The following PTPRN2 variants were observed in gnomAD, a reference collection of about 807,000 sequenced individuals.
The protein encoded by PTPRN2 is receptor-type tyrosine-protein phosphatase N2.
In PTPRN2, 74 loss-of-function variants were observed where a neutral mutation model predicts 118.8. The observed-to-expected ratio is 0.62, with a 90% CI of 0.52 to 0.76. The LOEUF (loss-of-function observed/expected upper bound fraction) is 0.76. PTPRN2 is among the 30% of genes least tolerant of loss of function. The pLI is 0.00. For missense variants in PTPRN2, 1,481 were observed against 1,394.4 expected (o/e 1.06, Z -0.99); for synonymous variants, 641 against 608.0 (o/e 1.05, Z -0.80).
At chr7:158,506,743 A>G (rs1822774970) in intron 1 of PTPRN2, among the ~76,000 whole-genome samples, 1 of 151,808 alleles carries the variant, frequency 6.6e-6, no homozygotes, top group African/African-American at 2.4e-5. Flanking sequence ...GCCACTGGCT[A>G]GCTGTGACAT....
chr7:158,110,756 C>T (rs2150368213), intron 10 of PTPRN2, 73 bp downstream of exon 10: 2 of 1,366,856 alleles, frequency 1.5e-6, no homozygotes, highest in Non-Finnish European at 2.0e-6. Context: ...GGGCTCGCAG[C>T]TCCTTCCCTC....
intron 11 of PTPRN2, among the ~76,000 whole-genome samples, chr7:157,988,485 G>A (rs1205176438): frequency 6.6e-6 from 1 of 152,186 alleles, no homozygotes. Context: ...TCTTTCACGT[G>A]CTGATAGACC....
At chr7:158,315,414 C>A (rs1361116387) in intron 3 of PTPRN2, among the ~76,000 whole-genome samples, 1 of 148,964 alleles carries the variant, frequency 6.7e-6, no homozygotes, top group Non-Finnish European at 1.5e-5. Context: ...AGGACGCCCT[C>A]AAGGACAGAG....
At chr7:158,171,153 C>CAT (rs35916071) in intron 5 of PTPRN2, among the ~76,000 whole-genome samples, 2 of 120,732 alleles carry the variant, frequency 1.7e-5, no homozygotes, top group South Asian at 5.5e-4. Flanking sequence ...TATATATACA[C>CAT]ATATATATAC....
At chr7:158,129,810 A>C (rs1818024869) in intron 9 of PTPRN2, among the ~76,000 whole-genome samples, 1 of 152,106 alleles carries the variant, frequency 6.6e-6, no homozygotes, top group Non-Finnish European at 1.5e-5. Flanking sequence ...GTGATTCTCC[A>C]CTGGGCTTGA....
intron 12 of PTPRN2, among the ~76,000 whole-genome samples, chr7:157,692,305 G>A (rs1797544099): frequency 6.6e-6 from 1 of 152,134 alleles, no homozygotes; most frequent in Non-Finnish European, 1.5e-5. Context: ...ACCTCCCCAG[G>A]CCAGGCCCAG....
At chr7:157,540,907 G>A (rs558502047) in intron 22 of PTPRN2, 122 bp from the exon 23 acceptor site, 20 of 733,230 alleles carry the variant, frequency 2.7e-5, no homozygotes, top group South Asian at 1.7e-4. Flanking sequence ...TCAGCTCCCC[G>A]GGCCATTTCG....
intron 2 of PTPRN2, among the ~76,000 whole-genome samples, chr7:158,366,313 G>A (rs1586475966): frequency 1.4e-5 from 2 of 145,512 alleles, no homozygotes; most frequent in Admixed American, 6.9e-5. Flanking sequence ...ATGCACGTGT[G>A]CAAATGCACA....
rs1826271315 is a variant in PTPRN2, at chr7:158,546,210, C to T, written c.112+41348G>A. Among the ~76,000 whole-genome samples the T allele has an allele frequency of 6.6e-6, 1 of 152,150 alleles. No individual in the cohort carries two copies. The highest frequency in any genetic ancestry group is 2.1e-4 in the South Asian group (1 of 4,830). On this transcript the variant is annotated intron_variant, in intron 1 of 22. Coordinates refer to ENST00000389418, the MANE Select transcript of PTPRN2 (RefSeq NM_002847.5). The surrounding 1 kb of genome is among the most constrained non-coding windows in gnomAD (Gnocchi z 5.0). ...CGGCCTGTCTCCTCCCTGAGAGGAA[C>T]CATCAGGGAGCCTCGGTATCAGCAT...
At chr7:157,540,988 G>A (rs916023305) in intron 22 of PTPRN2, among the ~76,000 whole-genome samples, 8 of 152,234 alleles carry the variant, frequency 5.3e-5, no homozygotes, top group Non-Finnish European at 7.3e-5. Context: ...GTACCCTTCG[G>A]TTTGGGAGAC....
At chr7:158,474,757 C>T (rs1173998253) in intron 2 of PTPRN2, among the ~76,000 whole-genome samples, 2 of 152,106 alleles carry the variant, frequency 1.3e-5, no homozygotes, top group Admixed American at 1.3e-4. Flanking sequence ...GGCTAAGAGG[C>T]GGGTGACCGT....
intron 14 of PTPRN2, 139 bp from the exon 15 acceptor site, chr7:157,621,648 G>A (rs1404738303): frequency 2.4e-5 from 25 of 1,047,404 alleles, no homozygotes; most frequent in Admixed American, 2.2e-4. Context: ...ATGGTGCGAC[G>A]TTGTGCTACG....
At position 157,979,054 on chromosome 7, in the gene PTPRN2, A is replaced by G. The variant is rs551747947; in HGVS notation, c.1724-80317T>C. 3.9e-4 allele frequency among the ~76,000 whole-genome samples: 60 copies of G among 152,088 alleles called. 2 individuals carry two copies. The South Asian group carries it at 0.012, about 31-fold the overall frequency. The stretch of plus-strand genomic sequence containing the variant: ...CATACACCAAGGGCCGCCCTCCCCC[A>G]GGCCTACTGCACCTGCTTGGCCTTG... On this transcript the variant is annotated intron_variant, in intron 11 of 22. Transcript: ENST00000389418.
At chr7:158,194,826 G>T (rs1345155296) in intron 4 of PTPRN2, among the ~76,000 whole-genome samples, 1 of 152,200 alleles carries the variant, frequency 6.6e-6, no homozygotes, top group Non-Finnish European at 1.5e-5. Context: ...CTGACCACAG[G>T]TTGCCTCCAA....
chr7:158,285,018 C>G (rs1222457286), intron 3 of PTPRN2, among the ~76,000 whole-genome samples: 1 of 152,238 alleles, frequency 6.6e-6, no homozygotes, highest in African/African-American at 2.4e-5. Flanking sequence ...GACAGGAACC[C>G]TCCTCATCAC....
rs1802841280 is a variant in PTPRN2, at chr7:157,977,523, G to A, written c.1724-78786C>T. The stretch of plus-strand genomic sequence containing the variant: ...AGGGCCCAGAGCGTGCAAGGCCCCA[G>A]GTGGGATGACGTGAGTGTGTTCATG... On this transcript the variant is annotated intron_variant, in intron 11 of 22. Coordinates refer to ENST00000389418, the MANE Select transcript of PTPRN2 (RefSeq NM_002847.5). This position sits in a 1 kb window ranked among gnomAD's most constrained non-coding sequence, Gnocchi z 4.6. 6.6e-6 allele frequency among the ~76,000 whole-genome samples: 1 copy of A among 151,822 alleles called. No homozygotes were observed. The highest frequency in any genetic ancestry group is 2.4e-5 in the African/African-American group (1 of 41,368).
intron 6 of PTPRN2, among the ~76,000 whole-genome samples, chr7:158,154,749 T>TA (rs11354795): frequency 6.6e-5 from 6 of 91,020 alleles, no homozygotes; most frequent in East Asian, 5.2e-4. Context: ...AAAATAACTT[T>TA]AAAAAAAATC....
intron 6 of PTPRN2, among the ~76,000 whole-genome samples, chr7:158,140,607 G>A (rs182491123): frequency 1.3e-5 from 2 of 152,328 alleles, no homozygotes; most frequent in East Asian, 3.9e-4. Context: ...ACAGAATCCT[G>A]TTAACAGAAG....
At chr7:158,063,768 G>C (rs757622625) in intron 11 of PTPRN2, among the ~76,000 whole-genome samples, 2 of 152,138 alleles carry the variant, frequency 1.3e-5, no homozygotes, top group East Asian at 1.9e-4. Flanking sequence ...TCACTGCAAG[G>C]GTCCGTGGCT....
Sources: gnomAD v4.1 joint callset for allele counts (sites outside exome capture counted in the v4.1 genomes callset) on GRCh38, gnomAD v4.1.1 for gene constraint, Gnocchi (gnomAD v3.1) non-coding constraint, MANE v1.5 for transcripts, NCBI Gene and HGNC (gene_info 2026-07-23, HGNC 2026-07-21) for gene names.